CERS6: variants seen among roughly 807,000 people sequenced by gnomAD.
CERS6 encodes LAG1 homolog, ceramide synthase 6.
CERS6 carries 26 observed loss-of-function variants against 56.8 expected under a neutral mutation model. The observed-to-expected ratio is 0.46, with a 90% CI of 0.34 to 0.63. The LOEUF (loss-of-function observed/expected upper bound fraction) is 0.63, where lower values mean the gene tolerates loss of function less well. Among genes scored for constraint, CERS6 ranks in the 30% least tolerant of loss-of-function variants. The pLI, the probability that CERS6 is intolerant of heterozygous loss-of-function variation, is 0.01. For missense variants in CERS6, 415 were observed against 467.5 expected (o/e 0.89, Z 1.04); for synonymous variants, 164 against 173.3 (o/e 0.95, Z 0.42).
At chr2:168,471,159 T>G (rs1329138639) in intron 1 of CERS6, among the ~76,000 whole-genome samples, 2 of 152,234 alleles carry the variant, frequency 1.3e-5, no homozygotes, top group African/African-American at 4.8e-5. Flanking sequence ...TGCCTAGTGC[T>G]TTCACATCTT....
rs533795479 is a variant in CERS6, at chr2:168,631,828, T to C, written c.465+786T>C. ...ATTATATAATTTATTATATATTATA[T>C]AATATATATTATATAATATATATTA... On this transcript the variant is annotated intron_variant, in intron 4 of 9. Coordinates refer to ENST00000305747, the MANE Select transcript of CERS6 (RefSeq NM_203463.3). Among the ~76,000 whole-genome samples the C allele has an allele frequency of 8.9e-3, 1,167 of 131,854 alleles. 4 individuals are homozygous for C. The highest frequency in any genetic ancestry group is 0.014 in the Non-Finnish European group (928 of 64,592). 86.5% of individuals were successfully genotyped at this position (131,854 alleles called of 152,430 possible).
In CERS6 at chr2:168,460,467, G is replaced by A. The variant is rs1009318545; in HGVS notation, c.170+3849G>A. On this transcript the variant is annotated intron_variant, in intron 1 of 9. Coordinates refer to ENST00000305747, the MANE Select transcript of CERS6 (RefSeq NM_203463.3). ...CCACCTTGGCCTCCCAAAGTGCTGG[G>A]ATTATAGGTGTGAGCCCCTGCACCT... is the stretch of plus-strand genomic sequence containing the variant. Among the ~76,000 whole-genome samples the A allele has an allele frequency of 4.6e-5, 7 of 152,144 alleles. No individual in the cohort carries two copies. In the East Asian group the frequency reaches 1.2e-3, roughly 25 times the overall value.
chr2:168,457,257 A>T (rs764020330), intron 1 of CERS6, among the ~76,000 whole-genome samples: 58 of 152,326 alleles, frequency 3.8e-4, no homozygotes, highest in Non-Finnish European at 7.8e-4. Flanking sequence ...GGTTTCTTTA[A>T]AAGAGGATGT....
At chr2:168,673,465 G>A (rs1226919084) in intron 4 of CERS6, among the ~76,000 whole-genome samples, 3 of 152,150 alleles carry the variant, frequency 2.0e-5, no homozygotes, top group Admixed American at 1.3e-4. Context: ...TCGTGGGGTC[G>A]GTCAGTACCA....
At chr2:168,655,259 G>T (rs2421658) in intron 4 of CERS6, among the ~76,000 whole-genome samples, 1 of 152,126 alleles carries the variant, frequency 6.6e-6, no homozygotes, top group Non-Finnish European at 1.5e-5. Context: ...TGGAGAAAGG[G>T]AATTCTAGTA....
Position 168,456,428 on chromosome 2 carries a change from G to A in CERS6, c.-21G>A. On this transcript the variant is annotated 5_prime_UTR_variant, in exon 1 of 10. Coordinates refer to ENST00000305747, the MANE Select transcript of CERS6 (RefSeq NM_203463.3). This position sits in a 1 kb window ranked among gnomAD's most constrained non-coding sequence, Gnocchi z 4.1. ...GCTTGGCGGGCTGCGGGTGCCGCAG[G>A]ACAGGAGTGGACAAAGCAAGATGGC... 3.7e-6 allele frequency: 6 copies of A among 1,600,474 alleles called. No homozygotes were observed. Among genetic ancestry groups the A allele is most frequent in the Non-Finnish European group, 5.1e-6 (6 of 1,172,948 alleles).
At chr2:168,600,228 G>A (rs1404432765) in intron 3 of CERS6, among the ~76,000 whole-genome samples, 3 of 126,216 alleles carry the variant, frequency 2.4e-5, no homozygotes, top group African/African-American at 8.8e-5. Flanking sequence ...TTTTTTAATC[G>A]GAGTCTGGCT....
chr2:168,478,593 T>G (rs1342820802), intron 1 of CERS6, among the ~76,000 whole-genome samples: 2 of 152,212 alleles, frequency 1.3e-5, no homozygotes, highest in Non-Finnish European at 2.9e-5. Flanking sequence ...CACTTCAGGC[T>G]CCACCCCAGA....
At chr2:168,704,888 G>A (rs527978516) in intron 6 of CERS6, among the ~76,000 whole-genome samples, 24 of 152,244 alleles carry the variant, frequency 1.6e-4, no homozygotes, top group Middle Eastern at 3.4e-3. Flanking sequence ...GTGAGCCTCC[G>A]CACCCGGCCG....
At chr2:168,511,160 C>G (rs1694781127) in intron 1 of CERS6, among the ~76,000 whole-genome samples, 1 of 152,192 alleles carries the variant, frequency 6.6e-6, no homozygotes, top group African/African-American at 2.4e-5. Context: ...CTTCTTAAGT[C>G]TCCATTTCTC....
chr2:168,634,619 G>T (rs892080850), intron 4 of CERS6, among the ~76,000 whole-genome samples: 1 of 152,000 alleles, frequency 6.6e-6, no homozygotes, highest in African/African-American at 2.4e-5. Flanking sequence ...CACCATGTTG[G>T]CCAGGCTGGT....
At chr2:168,479,656 T>C (rs943418257) in intron 1 of CERS6, among the ~76,000 whole-genome samples, 3 of 152,228 alleles carry the variant, frequency 2.0e-5, no homozygotes, top group African/African-American at 7.2e-5. Context: ...TTGCCCAGGC[T>C]GGAGTGCAAT....
intron 3 of CERS6, among the ~76,000 whole-genome samples, chr2:168,623,541 A>G (rs959202624): frequency 1.3e-5 from 2 of 152,198 alleles, no homozygotes; most frequent in African/African-American, 2.4e-5. Context: ...ACGAGAAAGA[A>G]TTTTGTATCT....
intron 1 of CERS6, among the ~76,000 whole-genome samples, chr2:168,542,911 G>A (rs1488822899): frequency 6.6e-6 from 1 of 152,142 alleles, no homozygotes; most frequent in Admixed American, 6.6e-5. Flanking sequence ...TGGCCAGGCT[G>A]GTCTTGAACT....
intron 4 of CERS6, among the ~76,000 whole-genome samples, chr2:168,661,749 C>T (rs1344789731): frequency 6.6e-6 from 1 of 152,206 alleles, no homozygotes; most frequent in African/African-American, 2.4e-5. Flanking sequence ...GAGCCAGATA[C>T]ACAAAGTAAC....
intron 8 of CERS6, among the ~76,000 whole-genome samples, chr2:168,721,424 C>T (rs1044564526): frequency 4.6e-5 from 7 of 151,920 alleles, no homozygotes; most frequent in African/African-American, 1.7e-4. Context: ...TGTTTGTATA[C>T]AAGCTGTTGT....
intron 9 of CERS6, 68 bp downstream of exon 9, chr2:168,765,816 C>T (rs918788029): frequency 3.7e-6 from 5 of 1,352,764 alleles, no homozygotes; most frequent in Non-Finnish European, 5.1e-6. Flanking sequence ...TCTGGATCAA[C>T]TATTTACTAT....
At chr2:168,698,698 A>G (rs930917353) in intron 6 of CERS6, among the ~76,000 whole-genome samples, 2 of 152,178 alleles carry the variant, frequency 1.3e-5, no homozygotes, top group Non-Finnish European at 2.9e-5. Context: ...TGTTATCTCA[A>G]TAATTTTCGT....
At chr2:168,495,126 T>A (rs1406490749) in intron 1 of CERS6, among the ~76,000 whole-genome samples, 1 of 152,174 alleles carries the variant, frequency 6.6e-6, no homozygotes, top group East Asian at 1.9e-4. Flanking sequence ...ATTGTCCTCA[T>A]TGGGAACATA....
Sources: allele counts gnomAD v4.1 joint callset (sites outside exome capture counted in the v4.1 genomes callset), GRCh38; gene constraint gnomAD v4.1.1; non-coding constraint Gnocchi (gnomAD v3.1); transcripts MANE v1.5; gene names NCBI Gene and HGNC (gene_info 2026-07-23, HGNC 2026-07-21).